The following FAM135B variants were observed in gnomAD, a reference collection of about 807,000 sequenced individuals.
The protein encoded by FAM135B is family with sequence similarity 135 member B.
Under a neutral mutation model 127.7 loss-of-function variants are expected in FAM135B, and 43 were observed. The ratio of observed to expected loss-of-function variants is 0.34; its 90% CI spans 0.26 to 0.43. The LOEUF is 0.43. Among genes scored for constraint, FAM135B ranks in the 20% least tolerant of loss-of-function variants. FAM135B has a pLI of 1.00. For missense variants in FAM135B, 1,558 were observed against 1,725.6 expected, an observed-to-expected ratio of 0.90 and a Z score of 1.72; for synonymous variants, 670 against 665.1, an observed-to-expected ratio of 1.01 and a Z score of -0.11.
intron 7 of FAM135B, among the ~76,000 whole-genome samples, chr8:138,214,866 G>A (rs1298368205): frequency 6.6e-6 from 1 of 152,122 alleles, no homozygotes; most frequent in Non-Finnish European, 1.5e-5. Flanking sequence ...TGGAGCAGAG[G>A]GAAGAGGATC....
At chr8:138,275,405 C>A (rs1454823266) in intron 3 of FAM135B, among the ~76,000 whole-genome samples, 1 of 152,186 alleles carries the variant, frequency 6.6e-6, no homozygotes, top group Non-Finnish European at 1.5e-5. Context: ...TAGATGTTGG[C>A]CAGGCACGAT....
chr8:138,330,179 T>G (rs1828066483), intron 2 of FAM135B, among the ~76,000 whole-genome samples: 1 of 152,202 alleles, frequency 6.6e-6, no homozygotes, highest in Admixed American at 6.5e-5. Context: ...CTGCTTATTT[T>G]TACTATCAAT....
chr8:138,402,568 C>T (rs1437084774), intron 1 of FAM135B, among the ~76,000 whole-genome samples: 1 of 152,120 alleles, frequency 6.6e-6, no homozygotes, highest in Non-Finnish European at 1.5e-5. Context: ...TAACTCACCT[C>T]TATGCAGAGA....
intron 6 of FAM135B, among the ~76,000 whole-genome samples, chr8:138,250,462 T>A (rs142921434): frequency 0.017 from 2,545 of 152,272 alleles, 37 homozygotes; most frequent in Non-Finnish European, 0.025. Flanking sequence ...CCTGGTACCA[T>A]CTTCATTTGA....
intron 3 of FAM135B, among the ~76,000 whole-genome samples, chr8:138,297,549 G>C (rs1825563161): frequency 6.6e-6 from 1 of 152,224 alleles, no homozygotes; most frequent in Admixed American, 6.5e-5. Context: ...AAAAGCAACT[G>C]AAATAACATG....
intron 1 of FAM135B, among the ~76,000 whole-genome samples, chr8:138,392,266 A>C (rs1482950440): frequency 2.0e-5 from 3 of 152,268 alleles, no homozygotes; most frequent in South Asian, 4.1e-4. Flanking sequence ...CCCAACTTGC[A>C]TGTATCTCTA....
intron 1 of FAM135B, among the ~76,000 whole-genome samples, chr8:138,412,989 C>T (rs1345057689): frequency 6.6e-6 from 1 of 152,212 alleles, no homozygotes. Flanking sequence ...TTGTCTAATA[C>T]ATCAGAGATG....
At chr8:138,238,691 T>C (rs952117319) in intron 7 of FAM135B, among the ~76,000 whole-genome samples, 18 of 152,354 alleles carry the variant, frequency 1.2e-4, no homozygotes, top group Admixed American at 8.5e-4. Context: ...TGCTACAATC[T>C]GTGCGGATTC....
intron 2 of FAM135B, among the ~76,000 whole-genome samples, chr8:138,326,280 T>C (rs755298114): frequency 6.6e-6 from 1 of 152,160 alleles, no homozygotes; most frequent in Non-Finnish European, 1.5e-5. Flanking sequence ...AGGTACCATT[T>C]GCAGGTAAAA....
intron 1 of FAM135B, among the ~76,000 whole-genome samples, chr8:138,477,067 A>G (rs1814508331): frequency 6.6e-6 from 1 of 152,202 alleles, no homozygotes; most frequent in African/African-American, 2.4e-5. Flanking sequence ...TGAACCATCC[A>G]ATATACATCG....
intron 12 of FAM135B, among the ~76,000 whole-genome samples, chr8:138,165,059 T>C (rs1819774341): frequency 6.6e-6 from 1 of 152,106 alleles, no homozygotes; most frequent in Non-Finnish European, 1.5e-5. Context: ...GAGGTTGATT[T>C]TCCAGCTGAT....
intron 1 of FAM135B, among the ~76,000 whole-genome samples, chr8:138,421,550 T>A (rs1834511246): frequency 6.6e-6 from 1 of 151,518 alleles, no homozygotes; most frequent in South Asian, 2.1e-4. Context: ...GTCACAAATA[T>A]AATAAAACAC....
intron 11 of FAM135B, among the ~76,000 whole-genome samples, chr8:138,173,475 C>A (rs539617147): frequency 6.6e-6 from 1 of 152,200 alleles, no homozygotes; most frequent in South Asian, 2.1e-4. Context: ...AGTTACTTAA[C>A]CTCTCTGAGC....
At position 138,287,872 on chromosome 8, in the gene FAM135B, C is replaced by T. The variant is rs566516641; in HGVS notation, c.158-22030G>A. ...ACACGTTACCTATTAGTCACTGACG[C>T]ACAGTAAGAAATGCAGATAATACAT... On this transcript the variant is annotated intron_variant, in intron 3 of 19. Transcript: ENST00000395297. 1.1e-4 allele frequency among the ~76,000 whole-genome samples: 16 copies of T among 152,270 alleles called. No individual in the cohort carries two copies. The East Asian group carries it at 2.9e-3, about 28-fold the overall frequency.
intron 9 of FAM135B, among the ~76,000 whole-genome samples, chr8:138,183,355 C>A (rs572795027): frequency 6.6e-6 from 1 of 152,186 alleles, no homozygotes; most frequent in South Asian, 2.1e-4. Context: ...ATGTCTGGAC[C>A]CAGGAAGTCC....
At chr8:138,397,100 C>G (rs552159625) in intron 1 of FAM135B, among the ~76,000 whole-genome samples, 4 of 152,192 alleles carry the variant, frequency 2.6e-5, no homozygotes, top group African/African-American at 9.7e-5. Flanking sequence ...CAGTCCTGAG[C>G]TGCCCAAGAA....
At chr8:138,469,699 AAAG>A (rs1279446304) in intron 1 of FAM135B, among the ~76,000 whole-genome samples, 2 of 152,226 alleles carry the variant, frequency 1.3e-5, no homozygotes, top group African/African-American at 4.8e-5. Flanking sequence ...ACAAGATTAG[AAAG>A]AAGATACAAC....
At chr8:138,335,320 C>A (rs1563910096) in intron 2 of FAM135B, among the ~76,000 whole-genome samples, 1 of 152,126 alleles carries the variant, frequency 6.6e-6, no homozygotes, top group South Asian at 2.1e-4. Flanking sequence ...TCGCCCAGCA[C>A]CCTCATCATC....
chr8:138,410,183 C>T (rs1362608272), intron 1 of FAM135B, among the ~76,000 whole-genome samples: 1 of 152,128 alleles, frequency 6.6e-6, no homozygotes, highest in African/African-American at 2.4e-5. Flanking sequence ...GGAAGGGCTC[C>T]AGGAGGAGGA....
Sources: gnomAD v4.1 joint callset for allele counts (sites outside exome capture counted in the v4.1 genomes callset) on GRCh38, gnomAD v4.1.1 for gene constraint, MANE v1.5 for transcripts, NCBI Gene and HGNC (gene_info 2026-07-23, HGNC 2026-07-21) for gene names.